Variants in EYS observed in about 807,000 individuals in gnomAD.
The protein encoded by EYS is protein eyes shut homolog.
In EYS, 250 loss-of-function variants were observed where a neutral mutation model predicts 282.1. That is an observed-to-expected ratio of 0.89 (90% CI 0.80 to 0.98). EYS has a LOEUF of 0.98. EYS is among the 50% of genes least tolerant of loss of function. EYS has a pLI of 0.00. For synonymous variants in EYS, 1,355 were observed against 1,282.9 expected (o/e 1.06, Z -1.20); for missense variants, 4,016 against 3,709.0 (o/e 1.08, Z -2.15).
chr6:64,263,041 A>G (rs1290023758), intron 30 of EYS, among the ~76,000 whole-genome samples: 2 of 146,148 alleles, frequency 1.4e-5, no homozygotes, highest in Non-Finnish European at 3.0e-5. Context: ...AGCTTTCATG[A>G]CCTCTCCTTG....
At chr6:64,932,434 T>C (rs1253536523) in intron 15 of EYS, among the ~76,000 whole-genome samples, 1 of 152,084 alleles carries the variant, frequency 6.6e-6, no homozygotes, top group Non-Finnish European at 1.5e-5. Context: ...AATTGCTTAA[T>C]ATCACAGTGT....
intron 41 of EYS, among the ~76,000 whole-genome samples, chr6:63,751,570 C>T (rs561517851): frequency 4.6e-5 from 7 of 152,102 alleles, no homozygotes; most frequent in Admixed American, 6.5e-5. Context: ...TGAAGTGTTA[C>T]GACTTTACCT....
intron 2 of EYS, among the ~76,000 whole-genome samples, chr6:65,602,414 C>T (rs1274061066): frequency 2.0e-5 from 3 of 151,774 alleles, no homozygotes; most frequent in African/African-American, 7.3e-5. Context: ...TTAGTTGAGG[C>T]TTTTAAATAA....
rs1291805235 is a variant in EYS at position 65,309,250 on chromosome 6, C to T, written c.1767-13131G>A. Among the ~76,000 whole-genome samples, 8 of 151,928 alleles carry T rather than the reference C, an allele frequency of 5.3e-5. No individual in the cohort carries two copies. In the East Asian group the frequency reaches 1.4e-3, roughly 26 times the overall value. On this transcript the variant is annotated intron_variant, in intron 11 of 42. Transcript: ENST00000503581. ...GAAATAATTAGCATGTGTTTTATCT[C>T]CGTTAACATATGTTCGTAATTGCAC... is the stretch of plus-strand genomic sequence containing the variant.
At chr6:65,331,156 T>C (rs1395854715) in intron 11 of EYS, 2 of 884,388 alleles carry the variant, frequency 2.3e-6, no homozygotes, top group Non-Finnish European at 2.7e-6. Context: ...CATAAATATA[T>C]ATAACATGAT....
chr6:65,261,363 G>A (rs1490075970), intron 12 of EYS, among the ~76,000 whole-genome samples: 8 of 151,652 alleles, frequency 5.3e-5, no homozygotes, highest in Admixed American at 1.3e-4. Flanking sequence ...TATATACAAA[G>A]TGAGCAGAAA....
At chr6:64,007,833 T>C (rs755015819) in intron 33 of EYS, among the ~76,000 whole-genome samples, 8 of 152,222 alleles carry the variant, frequency 5.3e-5, no homozygotes, top group Non-Finnish European at 1.2e-4. Flanking sequence ...CTATTTTTAT[T>C]GCACTGTGGT....
intron 13 of EYS, among the ~76,000 whole-genome samples, chr6:65,023,701 A>G (rs146535750): frequency 2.8e-4 from 42 of 152,348 alleles, no homozygotes; most frequent in African/African-American, 1.0e-3. Context: ...TTTCTTCCAT[A>G]GACAGAGGAG....
intron 41 of EYS, among the ~76,000 whole-genome samples, chr6:63,735,355 T>C (rs1768882141): frequency 6.6e-6 from 1 of 152,112 alleles, no homozygotes; most frequent in South Asian, 2.1e-4. Context: ...TTTGAACTTA[T>C]AGATAAGTTG....
intron 19 of EYS, among the ~76,000 whole-genome samples, chr6:64,823,419 C>A (rs564087755): frequency 3.2e-4 from 49 of 151,858 alleles, no homozygotes; most frequent in African/African-American, 1.2e-3. Context: ...GGGAGGTAAT[C>A]ATTTACAGAT....
chr6:65,538,666 C>A (rs1056439340), intron 2 of EYS, among the ~76,000 whole-genome samples: 1 of 152,050 alleles, frequency 6.6e-6, no homozygotes, highest in Non-Finnish European at 1.5e-5. Context: ...TATAATGACC[C>A]ATTTATCCAT....
At chr6:64,766,415 C>T (rs543195423) in intron 22 of EYS, among the ~76,000 whole-genome samples, 41 of 149,398 alleles carry the variant, frequency 2.7e-4, no homozygotes, top group African/African-American at 8.6e-4. Flanking sequence ...GGGCAGATCA[C>T]GAGGTCAGGA....
At chr6:65,258,982 GA>G (rs1238498760) in intron 12 of EYS, among the ~76,000 whole-genome samples, 1 of 151,876 alleles carries the variant, frequency 6.6e-6, no homozygotes, top group Non-Finnish European at 1.5e-5. Context: ...GAGTACAGAA[GA>G]AAAAATAAAT....
intron 30 of EYS, among the ~76,000 whole-genome samples, chr6:64,275,742 G>T (rs1015396935): frequency 1.3e-5 from 2 of 151,056 alleles, no homozygotes; most frequent in African/African-American, 4.9e-5. Context: ...GGATCACGAG[G>T]TCAGAGATTG....
At chr6:64,057,403 A>C (rs1279092389) in intron 33 of EYS, among the ~76,000 whole-genome samples, 1 of 149,350 alleles carries the variant, frequency 6.7e-6, no homozygotes, top group East Asian at 1.9e-4. Context: ...TTAAAAATAG[A>C]ATGGTCTCAA....
Position 64,730,624 on chromosome 6 carries a change from C to T in EYS, c.3443+82754G>A, listed in dbSNP as rs141598566. Among the ~76,000 whole-genome samples the T allele has an allele frequency of 9.6e-3, 1,458 of 152,124 alleles. 26 individuals carry two copies. The highest frequency in any genetic ancestry group is 0.033 in the African/African-American group (1,376 of 41,488). On this transcript the variant is annotated intron_variant, in intron 22 of 42. Transcript: ENST00000503581. Reference sequence around the variant, plus strand: ...CTCCGAGTAGCTAGGACTACAGGCACGCACCACCATGCCCAGCTAATTTTT... The same window carrying T: ...CTCCGAGTAGCTAGGACTACAGGCATGCACCACCATGCCCAGCTAATTTTT...
At chr6:64,777,269 ACT>A (rs1317457522) in intron 22 of EYS, among the ~76,000 whole-genome samples, 13 of 152,054 alleles carry the variant, frequency 8.5e-5, no homozygotes, top group Non-Finnish European at 1.6e-4. Context: ...TTAAGTGGAA[ACT>A]CTAGTTTATA....
intron 22 of EYS, among the ~76,000 whole-genome samples, chr6:64,735,368 C>A (rs773961970): frequency 2.6e-4 from 40 of 152,208 alleles, no homozygotes; most frequent in Non-Finnish European, 4.8e-4. Flanking sequence ...CAGGCGTGAA[C>A]CACCGTGCCC....
At chr6:64,109,764 C>G (rs1436075048) in intron 31 of EYS, among the ~76,000 whole-genome samples, 2 of 152,064 alleles carry the variant, frequency 1.3e-5, no homozygotes. Context: ...CATGCCTGGT[C>G]TTTTTATCTG....
Sources: gnomAD v4.1 joint callset for allele counts (sites outside exome capture counted in the v4.1 genomes callset) on GRCh38, gnomAD v4.1.1 for gene constraint, MANE v1.5 for transcripts, NCBI Gene and HGNC (gene_info 2026-07-23, HGNC 2026-07-21) for gene names.